Variants in CDH4 observed in about 807,000 individuals in gnomAD.
The protein encoded by CDH4 is cadherin 4.
Under a neutral mutation model 86.0 loss-of-function variants are expected in CDH4, and 33 were observed. The observed-to-expected ratio is 0.38, with a 90% confidence interval of 0.29 to 0.51. The LOEUF (loss-of-function observed/expected upper bound fraction) is 0.51, where lower values mean the gene tolerates loss of function less well. CDH4 is among the 20% of genes least tolerant of loss of function. The pLI is 0.86. For missense variants in CDH4, 1,114 were observed against 1,307.4 expected (o/e 0.85, Z 2.28); for synonymous variants, 555 against 549.4 (o/e 1.01, Z -0.14).
At chr20:61,427,858 A>G (rs1006627151) in intron 2 of CDH4, among the ~76,000 whole-genome samples, 1 of 152,038 alleles carries the variant, frequency 6.6e-6, no homozygotes, top group African/African-American at 2.4e-5. Flanking sequence ...CAACCAAGTC[A>G]CCGAGAATCA....
At chr20:61,358,120 C>T (rs1185935045) in intron 2 of CDH4, among the ~76,000 whole-genome samples, 2 of 152,206 alleles carry the variant, frequency 1.3e-5, no homozygotes, top group Non-Finnish European at 2.9e-5. Context: ...TTTCTTCTGC[C>T]TGGATATGGG....
At chr20:61,664,461 A>G (rs1443622223) in intron 2 of CDH4, among the ~76,000 whole-genome samples, 1 of 152,194 alleles carries the variant, frequency 6.6e-6, no homozygotes, top group African/African-American at 2.4e-5. Context: ...CGGCCTTTGC[A>G]GCATTCTTCC....
chr20:61,604,914 G>T (rs944938426), intron 2 of CDH4, among the ~76,000 whole-genome samples: 4 of 84,454 alleles, frequency 4.7e-5, no homozygotes, highest in African/African-American at 1.3e-4. Context: ...GCCTGGCCTG[G>T]AAGGACAGGT....
rs762289408 is a variant in CDH4, at chr20:61,480,626, T to C, written c.169+225689T>C. ...CACAGGGGAAGGAGGTGTGGAGGTGTGGGGAGGGCGGGGCTGAGCCAGGGC... is the reference window on the plus strand; with the variant it reads ...CACAGGGGAAGGAGGTGTGGAGGTGCGGGGAGGGCGGGGCTGAGCCAGGGC... On this transcript the variant is annotated intron_variant, in intron 2 of 15. Transcript: ENST00000614565. The surrounding 1 kb of genome is among the most constrained non-coding windows in gnomAD (Gnocchi z 5.2). Among the ~76,000 whole-genome samples, 12 of 152,076 alleles carry C rather than the reference T, an allele frequency of 7.9e-5. No individual in the cohort carries two copies. The highest frequency in any genetic ancestry group is 1.6e-4 in the Non-Finnish European group (11 of 68,004).
In CDH4 at chr20:61,827,011, A is replaced by G. The variant is rs112861513; in HGVS notation, c.577-17657A>G. Reference sequence around the variant, plus strand: ...TGTGTGTGTGTGTGTGTGTGTGTGTATGTGTTTCCTTATTGTAAAAAAAGA... The same window carrying G: ...TGTGTGTGTGTGTGTGTGTGTGTGTGTGTGTTTCCTTATTGTAAAAAAAGA... On this transcript the variant is annotated intron_variant, in intron 4 of 15. Coordinates refer to ENST00000614565, the MANE Select transcript of CDH4 (RefSeq NM_001794.5). Among the ~76,000 whole-genome samples the G allele has an allele frequency of 1.8e-3, 223 of 125,196 alleles. 2 individuals are homozygous for G. Among genetic ancestry groups the G allele is most frequent in the African/African-American group, 6.5e-3 (201 of 31,072 alleles). The allele number at this position is 125,196 out of a possible 152,430, so 82.1% of individuals were successfully genotyped here.
intron 2 of CDH4, among the ~76,000 whole-genome samples, chr20:61,267,715 G>A (rs922813683): frequency 3.9e-5 from 6 of 152,256 alleles, no homozygotes; most frequent in South Asian, 4.1e-4. Context: ...GGAATGGATC[G>A]TTCAACAGAG....
At chr20:61,271,275 G>A (rs752303332) in intron 2 of CDH4, among the ~76,000 whole-genome samples, 1 of 152,170 alleles carries the variant, frequency 6.6e-6, no homozygotes, top group South Asian at 2.1e-4. Context: ...CAGCGCAAAG[G>A]TTCTGCGACG....
At chr20:61,706,873 A>C (rs1194635157) in intron 2 of CDH4, among the ~76,000 whole-genome samples, 4 of 152,218 alleles carry the variant, frequency 2.6e-5, no homozygotes. Context: ...TGTGATGCCC[A>C]GACCAGCTGA....
At chr20:61,564,003 C>G (rs1384481666) in intron 2 of CDH4, among the ~76,000 whole-genome samples, 3 of 152,168 alleles carry the variant, frequency 2.0e-5, no homozygotes, top group Non-Finnish European at 4.4e-5. Flanking sequence ...CTCTCCTTCC[C>G]TCATTCACTT....
chr20:61,568,630 C>T (rs1340012223), intron 2 of CDH4, among the ~76,000 whole-genome samples: 2 of 152,236 alleles, frequency 1.3e-5, no homozygotes, highest in African/African-American at 4.8e-5. Context: ...CTGCTATGCT[C>T]CAGTCTTGGC....
intron 2 of CDH4, among the ~76,000 whole-genome samples, chr20:61,564,022 G>A (rs960446365): frequency 5.3e-5 from 8 of 151,982 alleles, no homozygotes; most frequent in East Asian, 1.9e-4. Flanking sequence ...TTCTCTGTCC[G>A]TCCCTCAATG....
chr20:61,664,619 C>T (rs145520763), intron 2 of CDH4, among the ~76,000 whole-genome samples: 6 of 152,352 alleles, frequency 3.9e-5, no homozygotes, highest in East Asian at 3.9e-4. Context: ...GACCCTCACA[C>T]GAACACTTCT....
intron 8 of CDH4, among the ~76,000 whole-genome samples, chr20:61,907,593 C>A (rs567031944): frequency 1.3e-5 from 2 of 152,252 alleles, no homozygotes; most frequent in East Asian, 3.8e-4. Context: ...GCGGCGCCAG[C>A]TCCTTGTCCT....
In CDH4 at chr20:61,844,676, C is replaced by T. The variant is rs374076466; in HGVS notation, c.585C>T (p.Ser195=). ...TTGCTCCTGCCTTTCAGATCCGGTC[C>T]GACAAAGACAATGACATCCCCATCC... ...PFPQQLVRIR[S]DKDNDIPIRY... is the part of the protein sequence containing the mutation. Residue 195 remains serine, a synonymous_variant, in exon 5 of 16, where the codon TCC becomes TCT. Coordinates refer to ENST00000614565, the MANE Select transcript of CDH4 (RefSeq NM_001794.5). The T allele has an allele frequency of 4.0e-5, 64 of 1,610,398 alleles. No individual in the cohort carries two copies. The highest frequency in any genetic ancestry group is 1.7e-4 in the Middle Eastern group (1 of 6,048).
At chr20:61,331,649 C>A (rs1283488021) in intron 2 of CDH4, among the ~76,000 whole-genome samples, 321 of 3,090 alleles carry the variant, frequency 0.1, no homozygotes, top group African/African-American at 0.17. Flanking sequence ...CCACCTCCCG[C>A]CCCAGCCACC....
chr20:61,736,712 CA>C (rs2088269251), intron 2 of CDH4, among the ~76,000 whole-genome samples: 1 of 152,026 alleles, frequency 6.6e-6, no homozygotes, highest in African/African-American at 2.4e-5. Context: ...TGTGCATATC[CA>C]GAGGCGCATT....
rs1363531120 is a variant in CDH4, at chr20:61,873,705, C to G, written c.878-23C>G. The G allele has an allele frequency of 5.6e-6, 9 of 1,606,190 alleles. No homozygotes were observed. In the Admixed American group the frequency reaches 1.3e-4, roughly 24 times the overall value. ...AGCCTGTGTGGCAGGCCATCCCCAT[C>G]TGAGCTGCTGTCTCCGTTCCAGGCA... is the stretch of plus-strand genomic sequence containing the variant. On this transcript the variant is annotated intron_variant, in intron 6 of 15. Coordinates refer to ENST00000614565, the MANE Select transcript of CDH4 (RefSeq NM_001794.5).
chr20:61,739,785 G>A (rs1045843574), intron 2 of CDH4, among the ~76,000 whole-genome samples: 7 of 152,234 alleles, frequency 4.6e-5, no homozygotes, highest in Admixed American at 2.0e-4. Flanking sequence ...GCTCCCGGCC[G>A]CTGCAGAGGC....
chr20:61,729,425 T>A (rs1460539405), intron 2 of CDH4, among the ~76,000 whole-genome samples: 1 of 152,188 alleles, frequency 6.6e-6, no homozygotes, highest in East Asian at 1.9e-4. Flanking sequence ...TATCTCCCAA[T>A]ACACCTGCAC....
Sources: allele counts gnomAD v4.1 joint callset (sites outside exome capture counted in the v4.1 genomes callset), GRCh38; gene constraint gnomAD v4.1.1; non-coding constraint Gnocchi (gnomAD v3.1); transcripts MANE v1.5; gene names NCBI Gene and HGNC (gene_info 2026-07-23, HGNC 2026-07-21).